Variants in HTR4 observed in about 807,000 individuals in gnomAD.
HTR4 encodes the protein 5-hydroxytryptamine receptor 4, also known as 5-hydroxytryptamine (serotonin) receptor 4, G protein-coupled.
HTR4 carries 16 observed loss-of-function variants against 36.8 expected under a neutral mutation model. That is an observed-to-expected ratio of 0.43 (90% CI 0.29 to 0.66). The LOEUF (loss-of-function observed/expected upper bound fraction) is 0.66. Among genes scored for constraint, HTR4 ranks in the 30% least tolerant of loss-of-function variants. HTR4 has a pLI of 0.13. For missense variants in HTR4, 438 were observed against 490.9 expected (o/e 0.89, Z 1.02); for synonymous variants, 189 against 185.1 (o/e 1.02, Z -0.17).
rs1212279454 is a variant in HTR4, at chr5:148,482,396, C to T, written c.*807G>A. On this transcript the variant is annotated 3_prime_UTR_variant, in exon 7 of 7. Transcript: ENST00000377888. ...GTCCCGTTCTAGCCCAGCAGGAGAG[C>T]GAGCATCTCAGGGCAGACACGCCAG... 4 of 985,478 alleles carry T rather than the reference C, an allele frequency of 4.1e-6. No homozygotes were observed. The highest frequency in any genetic ancestry group is 4.8e-6 in the Non-Finnish European group (4 of 830,102). The allele number at this position is 985,478 out of a possible 1,614,324, so 61.0% of individuals were successfully genotyped here.
At chr5:148,536,620 TAACA>T (rs758044425) in intron 4 of HTR4, among the ~76,000 whole-genome samples, 68 of 152,072 alleles carry the variant, frequency 4.5e-4, no homozygotes, top group Middle Eastern at 3.4e-3. Context: ...GACTTCAAAC[TAACA>T]AAGATCAAAA....
intron 4 of HTR4, among the ~76,000 whole-genome samples, chr5:148,526,173 T>C (rs1758267484): frequency 6.6e-6 from 1 of 152,236 alleles, no homozygotes. Flanking sequence ...CCATCCAGTG[T>C]GTGGTACCTG....
chr5:148,493,046 G>T (rs149346539), intron 6 of HTR4, among the ~76,000 whole-genome samples: 1 of 152,224 alleles, frequency 6.6e-6, no homozygotes, highest in Non-Finnish European at 1.5e-5. Context: ...ACACATTTCT[G>T]AAAAGCAGGT....
intron 5 of HTR4, among the ~76,000 whole-genome samples, chr5:148,467,328 T>C (rs1755453915): frequency 6.6e-6 from 1 of 152,214 alleles, no homozygotes; most frequent in African/African-American, 2.4e-5. Flanking sequence ...CTAACAACTT[T>C]TACATGCCTA....
intron 2 of HTR4, among the ~76,000 whole-genome samples, chr5:148,592,071 C>T (rs965857812): frequency 6.6e-6 from 1 of 152,124 alleles, no homozygotes; most frequent in Admixed American, 6.6e-5. Context: ...AGAATGAGAT[C>T]GTGTCTTCTG....
intron 1 of HTR4, among the ~76,000 whole-genome samples, chr5:148,647,548 T>C (rs901517712): frequency 6.6e-6 from 1 of 152,026 alleles, no homozygotes; most frequent in African/African-American, 2.4e-5. Context: ...AGCTGCTTAG[T>C]GGTTAATAAG....
chr5:148,459,765 A>G (rs568582496), intron 5 of HTR4, among the ~76,000 whole-genome samples: 1 of 152,248 alleles, frequency 6.6e-6, no homozygotes, highest in Admixed American at 6.5e-5. Context: ...AAACAAACAA[A>G]CAAAAAAAAC....
rs898094761 is a variant in HTR4 at position 148,482,201 on chromosome 5, G to A, written c.*1002C>T. On this transcript the variant is annotated 3_prime_UTR_variant, in exon 7 of 7. Coordinates refer to ENST00000377888, the MANE Select transcript of HTR4 (RefSeq NM_000870.7). The stretch of plus-strand genomic sequence containing the variant: ...TGCCCTCCTGCACCTTGGGGGAGCT[G>A]CAGGGGAAAATGAGTTTCCCCAGTG... 1.3e-5 allele frequency: 13 copies of A among 985,538 alleles called. No individual in the cohort carries two copies. In the African/African-American group the frequency reaches 1.9e-4, roughly 15 times the overall value. 61.0% of individuals were successfully genotyped at this position (985,538 alleles called of 1,614,324 possible). A position where few individuals can be genotyped will look rare whatever the true frequency, so the allele number is the denominator to read the frequency against.
At chr5:148,605,813 G>A (rs1321057149) in intron 2 of HTR4, among the ~76,000 whole-genome samples, 7 of 151,676 alleles carry the variant, frequency 4.6e-5, no homozygotes, top group African/African-American at 7.3e-5. Context: ...TAAACCTACA[G>A]AGTGTAGCAG....
intron 4 of HTR4, among the ~76,000 whole-genome samples, chr5:148,545,542 G>C (rs768049379): frequency 6.6e-6 from 1 of 152,172 alleles, no homozygotes; most frequent in Non-Finnish European, 1.5e-5. Flanking sequence ...TTCTACAAAG[G>C]AGAAAAATGG....
chr5:148,453,961 A>G (rs989800138), intron 5 of HTR4, among the ~76,000 whole-genome samples: 1 of 152,216 alleles, frequency 6.6e-6, no homozygotes, highest in African/African-American at 2.4e-5. Context: ...TATAACTCCC[A>G]GTAGCCATTG....
intron 2 of HTR4, among the ~76,000 whole-genome samples, chr5:148,588,240 T>C (rs1413835892): frequency 6.6e-6 from 1 of 152,248 alleles, no homozygotes; most frequent in Non-Finnish European, 1.5e-5. Context: ...ACTTGCATTG[T>C]TGACCAACCT....
intron 2 of HTR4, among the ~76,000 whole-genome samples, chr5:148,611,803 C>T (rs964369460): frequency 2.0e-4 from 30 of 150,880 alleles, no homozygotes; most frequent in African/African-American, 2.7e-4. Context: ...CAGAGACACA[C>T]ATAGGCTCAA....
intron 4 of HTR4, among the ~76,000 whole-genome samples, chr5:148,524,635 T>C (rs567618252): frequency 1.3e-5 from 2 of 151,910 alleles, no homozygotes; most frequent in South Asian, 4.1e-4. Flanking sequence ...GGCAGAATGC[T>C]ACAGTAGATC....
chr5:148,482,656 TGTTAGC>T lies in HTR4; in HGVS notation c.*541_*546del, dbSNP rs1171907777. 6.1e-6 allele frequency: 6 copies of T among 989,550 alleles called. No homozygotes were observed. Among genetic ancestry groups the T allele is most frequent in the Non-Finnish European group, 7.2e-6 (6 of 832,124 alleles). 61.3% of individuals were successfully genotyped at this position (989,550 alleles called of 1,614,324 possible). On this transcript the variant is annotated 3_prime_UTR_variant, in exon 7 of 7. Transcript: ENST00000377888. ...GGACCCAGACACAGGGAGAAAAGTG[TGTTAGC>T]GTCTGGCACAGAACAGGGCGAAGAA...
rs1761395762 is a variant in HTR4 at position 148,587,645 on chromosome 5, A to T, written c.27-37383T>A. Among the ~76,000 whole-genome samples the T allele has an allele frequency of 2.0e-5, 3 of 152,088 alleles. No individual in the cohort carries two copies. The South Asian group carries it at 6.2e-4, about 32-fold the overall frequency. On this transcript the variant is annotated intron_variant, in intron 2 of 6. Transcript: ENST00000377888. ...TCCTCCTTCACTAATTTGTGTCTGTATCTTTTCTGTCACTTTATATAACTA... is the reference window on the plus strand; with the variant it reads ...TCCTCCTTCACTAATTTGTGTCTGTTTCTTTTCTGTCACTTTATATAACTA...
intron 5 of HTR4, among the ~76,000 whole-genome samples, chr5:148,519,071 T>TTGAA (rs974043187): frequency 1.3e-5 from 2 of 152,178 alleles, no homozygotes; most frequent in Non-Finnish European, 2.9e-5. Flanking sequence ...CAATTATTTC[T>TTGAA]TGAATGAATA....
At chr5:148,545,236 A>G (rs1759330170) in intron 4 of HTR4, among the ~76,000 whole-genome samples, 1 of 152,256 alleles carries the variant, frequency 6.6e-6, no homozygotes, top group Admixed American at 6.5e-5. Flanking sequence ...CCCATCTGAT[A>G]TCTTACTTAT....
At chr5:148,529,543 T>C (rs571581992) in intron 4 of HTR4, among the ~76,000 whole-genome samples, 35 of 152,322 alleles carry the variant, frequency 2.3e-4, no homozygotes, top group Middle Eastern at 6.8e-3. Flanking sequence ...CCCATCCACA[T>C]TGAACTGTGA....
Sources: gnomAD v4.1 joint callset for allele counts (sites outside exome capture counted in the v4.1 genomes callset) on GRCh38, gnomAD v4.1.1 for gene constraint, MANE v1.5 for transcripts, NCBI Gene and HGNC (gene_info 2026-07-23, HGNC 2026-07-21) for gene names.